TMED3: variants seen among roughly 807,000 people sequenced by gnomAD.
TMED3 encodes the protein transmembrane p24 trafficking protein 3.
TMED3 carries 9 observed loss-of-function variants against 15.0 expected under a neutral mutation model. The ratio of observed to expected loss-of-function variants is 0.60; its 90% CI spans 0.36 to 1.04. TMED3 has a LOEUF of 1.04. Ranked by LOEUF, TMED3 falls within the 50% of genes least tolerant of loss-of-function variation. The probability of loss-of-function intolerance (pLI) is 0.01; values close to 1 mark genes in which losing one functional copy is unlikely to be tolerated. For synonymous variants in TMED3, 117 were observed against 121.4 expected (o/e 0.96, Z 0.24); for missense variants, 267 against 278.9 (o/e 0.96, Z 0.30).
chr15:79,314,090 T>C, intron 2 of TMED3, 85 bp downstream of exon 2: 1 of 1,534,466 alleles, frequency 6.5e-7, no homozygotes, highest in Non-Finnish European at 8.8e-7. Flanking sequence ...GTGGTGGGAG[T>C]CATCATCCAT....
At chr15:79,392,136 C>A (rs1039569397) in intron 2 of TMED3, among the ~76,000 whole-genome samples, 5 of 152,088 alleles carry the variant, frequency 3.3e-5, no homozygotes, top group African/African-American at 1.2e-4. Context: ...TATTTGTTCC[C>A]TGTGTACCTT....
intron 2 of TMED3, among the ~76,000 whole-genome samples, chr15:79,353,246 CTA>C (rs1162452409): frequency 2.5e-5 from 1 of 39,910 alleles, no homozygotes; most frequent in Non-Finnish European, 4.1e-5. Context: ...AATATATATA[CTA>C]TATATAATAT....
chr15:79,313,680 C>T (rs1353093922), intron 1 of TMED3, 77 bp from the exon 2 acceptor site: 1 of 1,521,588 alleles, frequency 6.6e-7, no homozygotes, highest in Non-Finnish European at 8.9e-7. Flanking sequence ...TTTGTAGAGT[C>T]TGATCACAGT....
chr15:79,364,260 A>G (rs983420228), intron 2 of TMED3, among the ~76,000 whole-genome samples: 4 of 152,192 alleles, frequency 2.6e-5, no homozygotes, highest in Non-Finnish European at 2.9e-5. Flanking sequence ...CCCAGTGTGC[A>G]TGTGGGCTCT....
At chr15:79,335,945 C>T (rs1316180897) in intron 2 of TMED3, among the ~76,000 whole-genome samples, 1 of 152,108 alleles carries the variant, frequency 6.6e-6, no homozygotes, top group African/African-American at 2.4e-5. Context: ...GCATAGGAAC[C>T]ATTAATACTC....
intron 2 of TMED3, among the ~76,000 whole-genome samples, chr15:79,358,780 T>C (rs528481343): frequency 2.6e-5 from 4 of 152,354 alleles, no homozygotes; most frequent in African/African-American, 9.6e-5. Context: ...TCCATGCAGC[T>C]TTCCCTGGGG....
Position 79,311,311 on chromosome 15 carries a change from C to G in TMED3, c.62C>G (p.Ala21Gly). 2.5e-6 allele frequency: 4 copies of G among 1,607,312 alleles called. No individual in the cohort carries two copies. The highest frequency in any genetic ancestry group is 3.4e-6 in the Non-Finnish European group (4 of 1,177,692). The stretch of plus-strand genomic sequence containing the variant: ...CTTCTGCTGCTGCTCCTGCGCCGGG[C>G]CGAGCAGCCCTGCGGGGCCGAGCTC... ...VLLLLLLLRR[A>G]EQPCGAELTF... is the part of the protein sequence containing the mutation. Residue 21 changes from alanine (A) to glycine (G), a missense_variant, in exon 1 of 3, where the codon GCC (alanine) becomes GGC (glycine). Coordinates refer to ENST00000299705, the MANE Select transcript of TMED3 (RefSeq NM_007364.4).
At chr15:79,399,882 C>T (rs1893811135) in intron 2 of TMED3, among the ~76,000 whole-genome samples, 2 of 152,324 alleles carry the variant, frequency 1.3e-5, no homozygotes, top group East Asian at 1.9e-4. Flanking sequence ...TCAGTCTCCA[C>T]GGAGGCAGGG....
At chr15:79,385,397 G>A (rs1893612351) in intron 2 of TMED3, among the ~76,000 whole-genome samples, 1 of 152,190 alleles carries the variant, frequency 6.6e-6, no homozygotes, top group African/African-American at 2.4e-5. Flanking sequence ...AAATTCTTGG[G>A]GCTCCATCCC....
chr15:79,361,715 TA>T (rs200378016), intron 2 of TMED3, among the ~76,000 whole-genome samples: 324 of 7,656 alleles, frequency 0.042, 1 homozygote, highest in Admixed American at 0.049. Context: ...ATAAAAAAAT[TA>T]AAAAAAAAAA....
At chr15:79,411,442 G>A (rs946373152) in exon 3 of TMED3, 11 of 702,542 alleles carry the variant, frequency 1.6e-5, no homozygotes, top group African/African-American at 3.5e-5. Context: ...CAAGATGGTC[G>A]ACTATATGCA....
At chr15:79,330,690 T>C (rs1243681216) in intron 2 of TMED3, among the ~76,000 whole-genome samples, 9 of 152,140 alleles carry the variant, frequency 5.9e-5, no homozygotes, top group African/African-American at 2.4e-5. Flanking sequence ...ATCCTAAAAT[T>C]TATATGGAAC....
At chr15:79,381,107 C>T (rs529372268) in intron 2 of TMED3, among the ~76,000 whole-genome samples, 1 of 152,154 alleles carries the variant, frequency 6.6e-6, no homozygotes, top group Non-Finnish European at 1.5e-5. Flanking sequence ...GATTCCCTTC[C>T]AAGTCTCTGT....
intron 2 of TMED3, among the ~76,000 whole-genome samples, chr15:79,336,442 G>C (rs2058827056): frequency 6.6e-6 from 1 of 152,170 alleles, no homozygotes; most frequent in Admixed American, 6.6e-5. Flanking sequence ...TGGATCATTT[G>C]AGGTCAGCAG....
chr15:79,337,312 A>G (rs568804032), intron 2 of TMED3, among the ~76,000 whole-genome samples: 1 of 152,102 alleles, frequency 6.6e-6, no homozygotes, highest in Non-Finnish European at 1.5e-5. Flanking sequence ...CCCTTTATAT[A>G]AGGACAACAG....
chr15:79,331,860 AC>A (rs1360488237), intron 2 of TMED3, among the ~76,000 whole-genome samples: 2 of 152,132 alleles, frequency 1.3e-5, no homozygotes, highest in Non-Finnish European at 2.9e-5. Context: ...GTATCATCTC[AC>A]CCCAGTTAGG....
At chr15:79,377,755 G>T (rs113252127) in intron 2 of TMED3, among the ~76,000 whole-genome samples, 4,998 of 147,574 alleles carry the variant, frequency 0.034, 264 homozygotes, top group African/African-American at 0.11. Context: ...TCACCCATTC[G>T]CCTGCCTCAG....
chr15:79,323,543 G>A (rs936701260), downstream of TMED3, among the ~76,000 whole-genome samples: 1 of 152,156 alleles, frequency 6.6e-6, no homozygotes, highest in African/African-American at 2.4e-5. Flanking sequence ...TGTCTAAAGT[G>A]AAAAACAATA....
At chr15:79,331,238 G>A (rs536798127) in intron 2 of TMED3, among the ~76,000 whole-genome samples, 1 of 152,174 alleles carries the variant, frequency 6.6e-6, no homozygotes, top group Non-Finnish European at 1.5e-5. Flanking sequence ...ATGAGATTTG[G>A]TGGGGACATA....
Sources: gnomAD v4.1 joint callset for allele counts (sites outside exome capture counted in the v4.1 genomes callset) on GRCh38, gnomAD v4.1.1 for gene constraint, MANE v1.5 for transcripts, NCBI Gene and HGNC (gene_info 2026-07-23, HGNC 2026-07-21) for gene names.